Variants in DIS3L2 observed in about 807,000 individuals in gnomAD.
The protein encoded by DIS3L2 is DIS3-like exonuclease 2.
Under a neutral mutation model 97.5 loss-of-function variants are expected in DIS3L2, and 34 were observed. That is an observed-to-expected ratio of 0.35 (90% confidence interval 0.27 to 0.46). DIS3L2 has a LOEUF of 0.46. DIS3L2 is among the 20% of genes least tolerant of loss of function. The pLI is 1.00. For synonymous variants in DIS3L2, 435 were observed against 445.2 expected, an observed-to-expected ratio of 0.98 and a Z score of 0.29; for missense variants, 1,038 against 1,146.0, an observed-to-expected ratio of 0.91 and a Z score of 1.36.
chr2:232,249,231 A>T lies in DIS3L2; in HGVS notation c.1318-8A>T. On this transcript the variant is annotated splice_region_variant and splice_polypyrimidine_tract_variant and intron_variant, in intron 11 of 20. Coordinates refer to ENST00000325385, the MANE Select transcript of DIS3L2 (RefSeq NM_152383.5). ...AAAGGTGCTCATGGGCCTGTGCTCTATTTACAGGTGGTCCCCATGCTTCCC... is the reference window on the plus strand; with the variant it reads ...AAAGGTGCTCATGGGCCTGTGCTCTTTTTACAGGTGGTCCCCATGCTTCCC... 1 of 1,613,424 alleles carries T rather than the reference A, an allele frequency of 6.2e-7. No individual in the cohort carries two copies. Among genetic ancestry groups the T allele is most frequent in the Non-Finnish European group, 8.5e-7 (1 of 1,179,916 alleles).
intron 1 of DIS3L2, among the ~76,000 whole-genome samples, chr2:231,981,702 TTAAG>T (rs995029264): frequency 1.3e-5 from 2 of 148,180 alleles, no homozygotes; most frequent in African/African-American, 4.9e-5. Flanking sequence ...TTTATTTTAA[TTAAG>T]TGCTTATTAA....
At chr2:232,053,341 C>T (rs1695458598) in intron 5 of DIS3L2, among the ~76,000 whole-genome samples, 1 of 152,148 alleles carries the variant, frequency 6.6e-6, no homozygotes, top group African/African-American at 2.4e-5. Context: ...AAGGAGAATA[C>T]TTACATGTCT....
chr2:232,242,666 C>A (rs376600313), intron 11 of DIS3L2, among the ~76,000 whole-genome samples: 6 of 152,212 alleles, frequency 3.9e-5, no homozygotes, highest in Admixed American at 3.9e-4. Context: ...GGTACCCCCA[C>A]CCAGCTGCCT....
intron 5 of DIS3L2, among the ~76,000 whole-genome samples, chr2:232,073,632 A>G (rs1696099442): frequency 1.3e-5 from 2 of 152,180 alleles, no homozygotes; most frequent in South Asian, 2.1e-4. Context: ...CAGGGAAGCT[A>G]TGAAATGTTT....
chr2:232,021,585 T>G (rs1445439115), intron 3 of DIS3L2, among the ~76,000 whole-genome samples: 2 of 151,870 alleles, frequency 1.3e-5, no homozygotes, highest in African/African-American at 4.8e-5. Context: ...AACATGGATG[T>G]GAAGTCCCAA....
chr2:232,318,128 A>AGAGGC (rs1559209904), intron 14 of DIS3L2, among the ~76,000 whole-genome samples: 12 of 152,128 alleles, frequency 7.9e-5, no homozygotes, highest in African/African-American at 2.9e-4. Context: ...CCAGGCCTCC[A>AGAGGC]CAGAGGCCAG....
rs1407368880 is a variant in DIS3L2 at position 232,211,499 on chromosome 2, T to C, written c.1204+1094T>C. Among the ~76,000 whole-genome samples, 4 of 152,334 alleles carry C rather than the reference T, an allele frequency of 2.6e-5. No individual in the cohort carries two copies. In the South Asian group the frequency reaches 8.3e-4, roughly 32 times the overall value. On this transcript the variant is annotated intron_variant, in intron 10 of 20. Transcript: ENST00000325385. ...TGTGCTGCTTCTAGTTTTTACCTAC[T>C]TCTTGCCCCTCTCTAGGGTGGCTTC...
intron 13 of DIS3L2, among the ~76,000 whole-genome samples, chr2:232,284,029 G>A (rs898164387): frequency 3.3e-5 from 5 of 152,110 alleles, no homozygotes; most frequent in African/African-American, 1.2e-4. Flanking sequence ...GCAATTTCCT[G>A]AAGCTATAAT....
chr2:232,171,275 A>C (rs1690982526), intron 9 of DIS3L2, among the ~76,000 whole-genome samples: 1 of 152,196 alleles, frequency 6.6e-6, no homozygotes, highest in Non-Finnish European at 1.5e-5. Flanking sequence ...ACAGTGTGTT[A>C]ATAGATTTCT....
At chr2:232,299,531 C>T (rs1218300925) in intron 13 of DIS3L2, among the ~76,000 whole-genome samples, 1 of 152,254 alleles carries the variant, frequency 6.6e-6, no homozygotes, top group African/African-American at 2.4e-5. Context: ...ACCCTCTCCA[C>T]TCCCCATCCC....
At chr2:232,074,732 A>T (rs1696133854) in intron 5 of DIS3L2, among the ~76,000 whole-genome samples, 1 of 151,954 alleles carries the variant, frequency 6.6e-6, no homozygotes, top group African/African-American at 2.4e-5. Flanking sequence ...CCACAGGCGC[A>T]TGTCACCATG....
chr2:232,313,812 A>G (rs569550064), intron 14 of DIS3L2, among the ~76,000 whole-genome samples: 1 of 152,326 alleles, frequency 6.6e-6, no homozygotes, highest in African/African-American at 2.4e-5. Context: ...ATCATGGCAG[A>G]AGGCAAGGAG....
chr2:232,182,129 T>C (rs1415430496), intron 9 of DIS3L2, among the ~76,000 whole-genome samples: 1 of 152,216 alleles, frequency 6.6e-6, no homozygotes, highest in Non-Finnish European at 1.5e-5. Flanking sequence ...TCATAGGTTG[T>C]ATTTTGTTTT....
At chr2:232,054,288 C>T (rs1287179122) in intron 5 of DIS3L2, among the ~76,000 whole-genome samples, 1 of 152,186 alleles carries the variant, frequency 6.6e-6, no homozygotes, top group African/African-American at 2.4e-5. Context: ...ACATAGTGTA[C>T]TGTCCTCATG....
intron 5 of DIS3L2, among the ~76,000 whole-genome samples, chr2:232,054,160 A>G (rs1369733834): frequency 6.6e-6 from 1 of 152,230 alleles, no homozygotes; most frequent in Non-Finnish European, 1.5e-5. Context: ...TTTTAATTAT[A>G]TCATAATATG....
chr2:232,252,461 G>A (rs974987277), intron 12 of DIS3L2, among the ~76,000 whole-genome samples: 3 of 152,178 alleles, frequency 2.0e-5, no homozygotes, highest in East Asian at 1.9e-4. Flanking sequence ...GGATCCTCTC[G>A]TGGGCTTCTA....
At chr2:232,202,317 G>A (rs1691914579) in intron 9 of DIS3L2, among the ~76,000 whole-genome samples, 1 of 152,166 alleles carries the variant, frequency 6.6e-6, no homozygotes, top group South Asian at 2.1e-4. Flanking sequence ...AGAACCGCTT[G>A]AACCTGGGAG....
intron 1 of DIS3L2, among the ~76,000 whole-genome samples, chr2:231,975,081 C>T (rs892683909): frequency 3.9e-5 from 6 of 152,170 alleles, no homozygotes; most frequent in East Asian, 1.9e-4. Context: ...CACTTTTGAA[C>T]GGCATTCAAT....
chr2:232,082,659 A>AT (rs1163037607), intron 5 of DIS3L2, among the ~76,000 whole-genome samples: 3 of 152,168 alleles, frequency 2.0e-5, no homozygotes, highest in Non-Finnish European at 4.4e-5. Context: ...GCCTTGTAGC[A>AT]TTTTTTGGTT....
Sources: gnomAD v4.1 joint callset for allele counts (sites outside exome capture counted in the v4.1 genomes callset) on GRCh38, gnomAD v4.1.1 for gene constraint, MANE v1.5 for transcripts, NCBI Gene and HGNC (gene_info 2026-07-23, HGNC 2026-07-21) for gene names.